Variants in CYP19A1 observed in about 807,000 individuals in gnomAD.
The protein encoded by CYP19A1 is aromatase.
Under a neutral mutation model 44.4 loss-of-function variants are expected in CYP19A1, and 32 were observed. The observed-to-expected ratio is 0.72, with a 90% CI of 0.54 to 0.97. The LOEUF (loss-of-function observed/expected upper bound fraction) is 0.97, where lower values mean the gene tolerates loss of function less well. Among genes scored for constraint, CYP19A1 ranks in the 50% least tolerant of loss-of-function variants. The probability of loss-of-function intolerance (pLI) is 0.00; values close to 1 mark genes in which losing one functional copy is unlikely to be tolerated. For synonymous variants in CYP19A1, 212 were observed against 215.6 expected, an observed-to-expected ratio of 0.98 and a Z score of 0.14; for missense variants, 598 against 637.8, an observed-to-expected ratio of 0.94 and a Z score of 0.67.
chr15:51,242,109 A>G (rs915677121), intron 2 of CYP19A1: 1 of 153,874 alleles, frequency 6.5e-6, no homozygotes, highest in Non-Finnish European at 1.5e-5. Context: ...CTGAATAATT[A>G]TATTATTCTC....
intron 1 of CYP19A1, among the ~76,000 whole-genome samples, chr15:51,268,003 C>T (rs1251229466): frequency 2.0e-5 from 3 of 152,224 alleles, no homozygotes; most frequent in Non-Finnish European, 4.4e-5. Flanking sequence ...AGTACCATAT[C>T]ACTTTCCCCT....
At chr15:51,262,245 C>G (rs1182827615) in intron 1 of CYP19A1, among the ~76,000 whole-genome samples, 1 of 152,244 alleles carries the variant, frequency 6.6e-6, no homozygotes, top group African/African-American at 2.4e-5. Context: ...TTTAGTAAAT[C>G]TATATTCTAT....
At chr15:51,293,227 A>C (rs2035888423) in intron 1 of CYP19A1, among the ~76,000 whole-genome samples, 10 of 152,132 alleles carry the variant, frequency 6.6e-5, no homozygotes, top group African/African-American at 2.2e-4. Flanking sequence ...TGTTCATGTA[A>C]CCAAACACCA....
At chr15:51,222,189 C>G in intron 5 of CYP19A1, 160 bp downstream of exon 5, 1 of 1,336,914 alleles carries the variant, frequency 7.5e-7, no homozygotes. Flanking sequence ...TATAAGTGAA[C>G]AAAGCAGAAA....
chr15:51,305,044 C>T (rs1437935269), intron 1 of CYP19A1, among the ~76,000 whole-genome samples: 8 of 151,726 alleles, frequency 5.3e-5, no homozygotes, highest in Non-Finnish European at 8.8e-5. Flanking sequence ...GCATTACAGG[C>T]GCCTGCCACC....
chr15:51,243,684 G>A (rs1416789982), intron 1 of CYP19A1, among the ~76,000 whole-genome samples: 1 of 152,192 alleles, frequency 6.6e-6, no homozygotes, highest in Non-Finnish European at 1.5e-5. Context: ...TGGGGAAGGA[G>A]GAAGAAAGAG....
intron 1 of CYP19A1, among the ~76,000 whole-genome samples, chr15:51,260,932 G>GTGTT (rs1382624966): frequency 6.6e-6 from 1 of 152,082 alleles, no homozygotes; most frequent in Non-Finnish European, 1.5e-5. Flanking sequence ...CTTCTGGTCC[G>GTGTT]TGTTTGTTCT....
chr15:51,228,527 CCTGAGCTTGGCCAGCG>C (rs2032778792), intron 3 of CYP19A1, among the ~76,000 whole-genome samples: 1 of 152,222 alleles, frequency 6.6e-6, no homozygotes, highest in African/African-American at 2.4e-5. Flanking sequence ...TTCTTCTAGC[CCTGAGCTTGGCCAGCG>C]CCTGGCTGGA....
chr15:51,304,885 T>C (rs2036182584), intron 1 of CYP19A1, among the ~76,000 whole-genome samples: 2 of 147,404 alleles, frequency 1.4e-5, no homozygotes, highest in Admixed American at 6.7e-5. Context: ...TAATTGTGTC[T>C]CTTCCTTTTT....
At chr15:51,288,440 G>A (rs1490778943) in intron 1 of CYP19A1, among the ~76,000 whole-genome samples, 22 of 152,118 alleles carry the variant, frequency 1.4e-4, no homozygotes, top group Admixed American at 1.4e-3. Flanking sequence ...ACCCTTTGGG[G>A]GTTCCTGAAA....
intron 1 of CYP19A1, among the ~76,000 whole-genome samples, chr15:51,259,119 C>T (rs139970674): frequency 4.3e-4 from 65 of 152,208 alleles, no homozygotes; most frequent in African/African-American, 1.3e-3. Flanking sequence ...GGATATGATA[C>T]GTCATTACAG....
At chr15:51,247,469 ATTT>A (rs1031929123) in intron 1 of CYP19A1, among the ~76,000 whole-genome samples, 2 of 149,470 alleles carry the variant, frequency 1.3e-5, no homozygotes, top group African/African-American at 5.0e-5. Flanking sequence ...TTTTATTTTT[ATTT>A]ATTTATTTAT....
At chr15:51,234,157 G>C (rs1174127296) in intron 3 of CYP19A1, among the ~76,000 whole-genome samples, 3 of 152,186 alleles carry the variant, frequency 2.0e-5, no homozygotes, top group Non-Finnish European at 4.4e-5. Context: ...AAGAGGTACG[G>C]GGAGTGCTGG....
intron 2 of CYP19A1, among the ~76,000 whole-genome samples, chr15:51,238,817 T>C (rs1865803): frequency 0.16 from 23,957 of 152,118 alleles, 3,429 homozygotes; most frequent in African/African-American, 0.37. Context: ...TAGCGATCAA[T>C]TGTATATCAG....
At chr15:51,239,736 G>T (rs564574420) in intron 2 of CYP19A1, among the ~76,000 whole-genome samples, 1 of 152,294 alleles carries the variant, frequency 6.6e-6, no homozygotes, top group African/African-American at 2.4e-5. Context: ...AGGAGCTTCT[G>T]GAACAAGGGT....
At chr15:51,309,043 G>A (rs546299772) in intron 1 of CYP19A1, among the ~76,000 whole-genome samples, 22 of 152,268 alleles carry the variant, frequency 1.4e-4, no homozygotes, top group Non-Finnish European at 3.1e-4. Context: ...GTGGGCTGGG[G>A]GAGTGTTATG....
intron 1 of CYP19A1, among the ~76,000 whole-genome samples, chr15:51,265,242 C>T (rs1171616876): frequency 3.3e-5 from 5 of 152,234 alleles, no homozygotes; most frequent in Non-Finnish European, 7.3e-5. Context: ...GCAGGTCAGA[C>T]AGCGTTCCAT....
chr15:51,283,817 G>A (rs1386880350), intron 1 of CYP19A1, among the ~76,000 whole-genome samples: 1 of 152,272 alleles, frequency 6.6e-6, no homozygotes, highest in African/African-American at 2.4e-5. Context: ...ACAAACCGAG[G>A]CATACCCGGC....
At chr15:51,295,136 G>GTTT (rs71426072) in intron 1 of CYP19A1, among the ~76,000 whole-genome samples, 1 of 131,374 alleles carries the variant, frequency 7.6e-6, no homozygotes, top group South Asian at 2.5e-4. Context: ...TTAACAACGT[G>GTTT]TTTTTTTTTT....
Sources: gnomAD v4.1 joint callset for allele counts (sites outside exome capture counted in the v4.1 genomes callset) on GRCh38, gnomAD v4.1.1 for gene constraint, MANE v1.5 for transcripts, NCBI Gene and HGNC (gene_info 2026-07-23, HGNC 2026-07-21) for gene names.